The following GRID2 variants were observed in gnomAD, a reference collection of about 807,000 sequenced individuals.
GRID2 encodes the protein glutamate ionotropic receptor delta type subunit 2.
Under a neutral mutation model 114.8 loss-of-function variants are expected in GRID2, and 33 were observed. The ratio of observed to expected loss-of-function variants is 0.29; its 90% CI spans 0.22 to 0.38. The LOEUF is 0.38. GRID2 is among the 10% of genes least tolerant of loss of function. The pLI is 1.00. For synonymous variants in GRID2, 505 were observed against 449.9 expected (o/e 1.12, Z -1.55); for missense variants, 1,184 against 1,257.7 (o/e 0.94, Z 0.89).
At chr4:93,538,695 A>G (rs1053233311) in intron 13 of GRID2, among the ~76,000 whole-genome samples, 2 of 151,804 alleles carry the variant, frequency 1.3e-5, no homozygotes, top group Non-Finnish European at 1.5e-5. Context: ...AAGTCTAATC[A>G]TGAGAAAAGA....
At chr4:92,849,582 T>A (rs1743603580) in intron 2 of GRID2, among the ~76,000 whole-genome samples, 1 of 151,944 alleles carries the variant, frequency 6.6e-6, no homozygotes, top group Non-Finnish European at 1.5e-5. Flanking sequence ...ATTGTCAGCT[T>A]CTAGAAACAT....
At chr4:93,367,338 A>G (rs1032497810) in intron 8 of GRID2, among the ~76,000 whole-genome samples, 4 of 151,890 alleles carry the variant, frequency 2.6e-5, no homozygotes, top group African/African-American at 4.8e-5. Context: ...CATCAAATTT[A>G]GTTGCCTCTC....
chr4:92,489,880 G>C (rs774075614), intron 1 of GRID2, among the ~76,000 whole-genome samples: 6 of 150,936 alleles, frequency 4.0e-5, no homozygotes, highest in Non-Finnish European at 8.9e-5. Flanking sequence ...ATTTCACTTA[G>C]AGTAAAAGAT....
chr4:93,093,010 G>A (rs906754877), intron 3 of GRID2, among the ~76,000 whole-genome samples: 2 of 151,876 alleles, frequency 1.3e-5, no homozygotes, highest in Non-Finnish European at 2.9e-5. Flanking sequence ...AAACTACAAC[G>A]AACACTTTCA....
At chr4:93,090,145 A>G (rs184884917) in intron 3 of GRID2, among the ~76,000 whole-genome samples, 1 of 152,254 alleles carries the variant, frequency 6.6e-6, no homozygotes, top group East Asian at 1.9e-4. Context: ...GTTAATCTGA[A>G]TGGTGGGGAT....
At chr4:93,038,323 AC>A (rs1464687418) in intron 2 of GRID2, among the ~76,000 whole-genome samples, 1 of 152,122 alleles carries the variant, frequency 6.6e-6, no homozygotes, top group Non-Finnish European at 1.5e-5. Context: ...TCTAAAAAAA[AC>A]AACCCCATCA....
chr4:93,327,474 A>C (rs1757957680), intron 8 of GRID2, among the ~76,000 whole-genome samples: 2 of 152,020 alleles, frequency 1.3e-5, no homozygotes, highest in Admixed American at 1.3e-4. Context: ...GTTCTATCTT[A>C]AGTAGAATCA....
intron 13 of GRID2, among the ~76,000 whole-genome samples, chr4:93,621,241 A>T (rs1742194913): frequency 6.6e-6 from 1 of 152,202 alleles, no homozygotes; most frequent in African/African-American, 2.4e-5. Context: ...TTGATATCTC[A>T]GGCACTATTA....
chr4:92,418,838 T>C (rs1207980542), intron 1 of GRID2, among the ~76,000 whole-genome samples: 4 of 152,056 alleles, frequency 2.6e-5, no homozygotes, highest in Non-Finnish European at 5.9e-5. Flanking sequence ...CATATTTCTA[T>C]AGAGAAGAGC....
chr4:92,460,055 C>CTATATATATAT (rs1553937299), intron 1 of GRID2, among the ~76,000 whole-genome samples: 1 of 37,448 alleles, frequency 2.7e-5, no homozygotes, highest in African/African-American at 8.7e-5. Flanking sequence ...TATATATATA[C>CTATATATATAT]ACACACAACT....
At chr4:92,662,036 G>C (rs1732544623) in intron 2 of GRID2, among the ~76,000 whole-genome samples, 1 of 150,988 alleles carries the variant, frequency 6.6e-6, no homozygotes, top group African/African-American at 2.4e-5. Flanking sequence ...TTATGTCTTA[G>C]TTGATAATGG....
chr4:92,755,560 T>A (rs1055428733), intron 2 of GRID2, among the ~76,000 whole-genome samples: 13 of 152,160 alleles, frequency 8.5e-5, no homozygotes, highest in African/African-American at 3.1e-4. Flanking sequence ...GAGCCCACCA[T>A]GTAAAGACCT....
At chr4:93,280,680 TG>T (rs1354709924) in intron 8 of GRID2, among the ~76,000 whole-genome samples, 1 of 151,976 alleles carries the variant, frequency 6.6e-6, no homozygotes, top group Non-Finnish European at 1.5e-5. Context: ...TTTTGTTATC[TG>T]GTTAATCCTG....
At position 92,939,531 on chromosome 4, in the gene GRID2, T is replaced by C. The variant is rs137894331; in HGVS notation, c.245-145464T>C. On this transcript the variant is annotated intron_variant, in intron 2 of 15. Coordinates refer to ENST00000282020, the MANE Select transcript of GRID2 (RefSeq NM_001510.4). ...TCTGTAGGTTCCCTGTTCACTCTGA[T>C]AGTAGTTTCTGTTGCTGTGCAGAAG... Among the ~76,000 whole-genome samples the C allele has an allele frequency of 5.5e-3, 805 of 147,596 alleles. 29 individuals carry two copies. The highest frequency in any genetic ancestry group is 0.018 in the African/African-American group (760 of 41,356).
At chr4:92,955,112 G>T (rs1486681843) in intron 2 of GRID2, among the ~76,000 whole-genome samples, 3 of 113,960 alleles carry the variant, frequency 2.6e-5, no homozygotes, top group East Asian at 2.6e-4. Context: ...ATGATTTATA[G>T]TCCTTTGGGT....
chr4:93,283,190 A>T lies in GRID2; in HGVS notation c.1245+44700A>T, dbSNP rs550753417. Among the ~76,000 whole-genome samples, 41 of 152,202 alleles carry T rather than the reference A, an allele frequency of 2.7e-4. No individual in the cohort carries two copies. In the South Asian group the frequency reaches 8.5e-3, roughly 32 times the overall value. The stretch of plus-strand genomic sequence containing the variant: ...CCTAATTTCGCAAAGCATTTTTGAA[A>T]TTTGTGTTCACAGTATATGAGAAGG... On this transcript the variant is annotated intron_variant, in intron 8 of 15. Coordinates refer to ENST00000282020, the MANE Select transcript of GRID2 (RefSeq NM_001510.4).
chr4:92,812,607 C>A (rs141493597), intron 2 of GRID2, among the ~76,000 whole-genome samples: 19 of 152,074 alleles, frequency 1.2e-4, no homozygotes, highest in Middle Eastern at 6.8e-3. Context: ...AATAAAGCAA[C>A]TTTATATGGT....
intron 2 of GRID2, among the ~76,000 whole-genome samples, chr4:92,935,994 C>A (rs962764258): frequency 1.4e-5 from 2 of 145,516 alleles, no homozygotes; most frequent in Non-Finnish European, 3.0e-5. Context: ...ATGTAACTAA[C>A]CTGCACATTG....
At chr4:92,844,073 CTG>C (rs1443880082) in intron 2 of GRID2, among the ~76,000 whole-genome samples, 4 of 152,042 alleles carry the variant, frequency 2.6e-5, no homozygotes, top group Admixed American at 1.3e-4. Flanking sequence ...ATTAAGTTGA[CTG>C]TGGTAGATAA....
Sources: gnomAD v4.1 joint callset for allele counts (sites outside exome capture counted in the v4.1 genomes callset) on GRCh38, gnomAD v4.1.1 for gene constraint, MANE v1.5 for transcripts, NCBI Gene and HGNC (gene_info 2026-07-23, HGNC 2026-07-21) for gene names.